Variants in LMOD1 observed in about 807,000 individuals in gnomAD.
The protein encoded by LMOD1 is leiomodin-1.
Under a neutral mutation model 36.5 loss-of-function variants are expected in LMOD1, and 8 were observed. That is an observed-to-expected ratio of 0.22 (90% confidence interval 0.13 to 0.40). The LOEUF is 0.40. LMOD1 is among the 10% of genes least tolerant of loss of function. The pLI is 1.00. For synonymous variants in LMOD1, 284 were observed against 288.7 expected, an observed-to-expected ratio of 0.98 and a Z score of 0.17; for missense variants, 630 against 751.1, an observed-to-expected ratio of 0.84 and a Z score of 1.88.
intron 1 of LMOD1, among the ~76,000 whole-genome samples, chr1:201,935,855 C>A (rs1248749672): frequency 6.6e-6 from 1 of 151,758 alleles, no homozygotes. Flanking sequence ...CCACACCTGG[C>A]CAATCCCAGG....
Position 201,900,455 on chromosome 1 carries a change from C to A in LMOD1, c.558G>T (p.Lys186Asn). Residue 186 changes from lysine (K) to asparagine (N), a missense_variant, in exon 2 of 3, where the codon AAG becomes AAT. Lys to Asn is a moderately conservative substitution (Grantham distance 94). Transcript: ENST00000367288. ...CACTCCCTTTCTTCTCCTCTTCCTT[C>A]TTGGTGGCCACTGCCCTCTCCTCTC... ...GRGEERAVAT[K>N]KEEEKKGSDR... 1 of 1,607,424 alleles carries A rather than the reference C, an allele frequency of 6.2e-7. No individual in the cohort carries two copies. Among genetic ancestry groups the A allele is most frequent in the Non-Finnish European group, 8.5e-7 (1 of 1,176,668 alleles).
chr1:201,901,622 G>GTATATATATATATACACATATATA (rs1558234817), intron 1 of LMOD1, among the ~76,000 whole-genome samples: 1 of 16,402 alleles, frequency 6.1e-5, no homozygotes, highest in African/African-American at 3.5e-4. Context: ...ACATATATAT[G>GTATATATATATATACACATATATA]TGTGTGTGTA....
Position 201,904,024 on chromosome 1 carries a change from C to T in LMOD1, c.262-3273G>A, listed in dbSNP as rs1055465734. 2.1e-4 allele frequency among the ~76,000 whole-genome samples: 32 copies of T among 152,172 alleles called. 1 individual carries two copies. The highest frequency in any genetic ancestry group is 7.5e-4 in the African/African-American group (31 of 41,438). On this transcript the variant is annotated intron_variant, in intron 1 of 2. Coordinates refer to ENST00000367288, the MANE Select transcript of LMOD1 (RefSeq NM_012134.3). ...ATCTCTAACCTTCCCCATCAGGGGC[C>T]AAAGCAGCTCCTCTCGGCCCACCCA... is the stretch of plus-strand genomic sequence containing the variant.
intron 1 of LMOD1, among the ~76,000 whole-genome samples, chr1:201,923,909 G>T (rs527720898): frequency 1.3e-4 from 10 of 75,522 alleles, no homozygotes; most frequent in African/African-American, 4.7e-4. Context: ...GAGAGGGAGG[G>T]AGAGAGAGAG....
At chr1:201,932,421 T>TTATA (rs1336798448) in intron 1 of LMOD1, among the ~76,000 whole-genome samples, 1 of 151,928 alleles carries the variant, frequency 6.6e-6, no homozygotes, top group Non-Finnish European at 1.5e-5. Flanking sequence ...GCTGAAAAGG[T>TTATA]TATACAGCAT....
intron 1 of LMOD1, among the ~76,000 whole-genome samples, chr1:201,942,061 G>C (rs1682125506): frequency 6.6e-6 from 1 of 152,216 alleles, no homozygotes; most frequent in Non-Finnish European, 1.5e-5. Context: ...GGCTGAAGGA[G>C]AGTTCCCGGA....
intron 1 of LMOD1, among the ~76,000 whole-genome samples, chr1:201,938,331 G>T (rs1409888610): frequency 6.6e-6 from 1 of 151,992 alleles, no homozygotes; most frequent in Non-Finnish European, 1.5e-5. Context: ...GTTTCTCTAT[G>T]GTAGTCAGGC....
At position 201,908,462 on chromosome 1, in the gene LMOD1, G is replaced by T. The variant is rs181390196; in HGVS notation, c.262-7711C>A. ...TTAACATCTCTGGAAACATACTTTTGGGAATGTTCAAGGGCTTATACACAA... is the reference window on the plus strand; with the variant it reads ...TTAACATCTCTGGAAACATACTTTTTGGAATGTTCAAGGGCTTATACACAA... On this transcript the variant is annotated intron_variant, in intron 1 of 2. Transcript: ENST00000367288. Among the ~76,000 whole-genome samples, 283 of 152,262 alleles carry T rather than the reference G, an allele frequency of 1.9e-3. 2 individuals carry two copies. Among genetic ancestry groups the T allele is most frequent in the African/African-American group, 6.5e-3 (272 of 41,530 alleles).
In LMOD1 at chr1:201,900,524, G is replaced by C. The variant is rs1301448793; in HGVS notation, c.489C>G (p.Val163=). The C allele has an allele frequency of 1.9e-6, 3 of 1,613,346 alleles. No individual in the cohort carries two copies. The highest frequency in any genetic ancestry group is 2.5e-6 in the Non-Finnish European group (3 of 1,179,812). ...CCTCCTTCTTATCCACTGCAGCCCT[G>C]ACCCGGCCCTTGTCAATGCCCCGGA... is the stretch of plus-strand genomic sequence containing the variant. The part of the protein sequence containing the change: ...KIIRGIDKGR[V]RAAVDKKEAG... Residue 163 remains valine, a synonymous_variant, in exon 2 of 3, where the codon GTC becomes GTG. Coordinates refer to ENST00000367288, the MANE Select transcript of LMOD1 (RefSeq NM_012134.3).
At chr1:201,938,418 C>T (rs899423266) in intron 1 of LMOD1, among the ~76,000 whole-genome samples, 4 of 152,076 alleles carry the variant, frequency 2.6e-5, no homozygotes, top group South Asian at 2.1e-4. Context: ...CATGAGACAC[C>T]GCGCCCGGCC....
chr1:201,928,897 T>C (rs1681872139), intron 1 of LMOD1, among the ~76,000 whole-genome samples: 1 of 151,946 alleles, frequency 6.6e-6, no homozygotes, highest in Admixed American at 6.6e-5. Flanking sequence ...TTTGTGTTTT[T>C]AGTAGAGACG....
At position 201,924,564 on chromosome 1, in the gene LMOD1, G is replaced by A. The variant is rs560987126; in HGVS notation, c.261+21516C>T. Among the ~76,000 whole-genome samples, 6 of 126,272 alleles carry A rather than the reference G, an allele frequency of 4.8e-5. No individual in the cohort carries two copies. The South Asian group carries it at 1.4e-3, about 29-fold the overall frequency. The allele number at this position is 126,272 out of a possible 152,430, so 82.8% of individuals were successfully genotyped here. A position where few individuals can be genotyped will look rare whatever the true frequency, so the allele number is the denominator to read the frequency against. ...AGGAAGGAAGCAAGGAAGGAGGGAG[G>A]GAGGGAAGGAAGGAAGGAAGGAGGG... On this transcript the variant is annotated intron_variant, in intron 1 of 2. Transcript: ENST00000367288.
rs767379302 is a variant in LMOD1 at position 201,900,279 on chromosome 1, T to G, written c.734A>C (p.Asn245Thr). Residue 245 changes from asparagine (N) to threonine (T), a missense_variant, in exon 2 of 3, where the codon AAC (asparagine) becomes ACC (threonine). Physicochemically the swap from Asn to Thr is moderately conservative, Grantham distance 65. Around this residue, in one of 3 missense-constraint regions of LMOD1, gnomAD observed 405 missense variants for 400.6 expected, o/e 1.01. Transcript: ENST00000367288. Reference sequence around the variant, plus strand: ...CTCATCCTCCTTTTTCATGTCTGTGTTCCCACCTGCTCTTTTCATCTTCTC... The same window carrying G: ...CTCATCCTCCTTTTTCATGTCTGTGGTCCCACCTGCTCTTTTCATCTTCTC... ...EGEKMKRAGG[N>T]TDMKKEDEKV... 9 of 1,612,118 alleles carry G rather than the reference T, an allele frequency of 5.6e-6. No homozygotes were observed. The highest frequency in any genetic ancestry group is 5.0e-5 in the Admixed American group (3 of 59,622).
At chr1:201,913,482 C>T (rs1354578048) in intron 1 of LMOD1, among the ~76,000 whole-genome samples, 2 of 152,188 alleles carry the variant, frequency 1.3e-5, no homozygotes, top group African/African-American at 4.8e-5. Flanking sequence ...TGGTCAGCAC[C>T]TGTAATCTCA....
chr1:201,921,357 G>A (rs1014827384), intron 1 of LMOD1, among the ~76,000 whole-genome samples: 14 of 151,462 alleles, frequency 9.2e-5, no homozygotes, highest in Admixed American at 6.6e-4. Flanking sequence ...GCATGGTGGT[G>A]CGAGCCTGCA....
rs185540132 is a variant in LMOD1, at chr1:201,901,406, G to A, written c.262-655C>T. 4.9e-3 allele frequency among the ~76,000 whole-genome samples: 732 copies of A among 149,724 alleles called. 6 individuals carry two copies. The highest frequency in any genetic ancestry group is 0.017 in the African/African-American group (690 of 40,466). On this transcript the variant is annotated intron_variant, in intron 1 of 2. Transcript: ENST00000367288. ...AATCCCAGCTACTCGGGAGGCAGAGGCAGGAGAATCACCTGAACCTGGGAG... is the reference window on the plus strand; with the variant it reads ...AATCCCAGCTACTCGGGAGGCAGAGACAGGAGAATCACCTGAACCTGGGAG...
At chr1:201,936,240 C>CAGAA (rs1415271298) in intron 1 of LMOD1, among the ~76,000 whole-genome samples, 9 of 151,862 alleles carry the variant, frequency 5.9e-5, no homozygotes, top group African/African-American at 2.2e-4. Flanking sequence ...ACCTGAGAGA[C>CAGAA]AGAAACACCC....
At chr1:201,909,805 A>G (rs1160941420) in intron 1 of LMOD1, among the ~76,000 whole-genome samples, 2 of 152,178 alleles carry the variant, frequency 1.3e-5, no homozygotes, top group Non-Finnish European at 2.9e-5. Context: ...TCCCCATGTT[A>G]CAGAAGAAAG....
At chr1:201,910,843 C>A (rs1185948892) in intron 1 of LMOD1, among the ~76,000 whole-genome samples, 1 of 141,472 alleles carries the variant, frequency 7.1e-6, no homozygotes, top group South Asian at 2.3e-4. Context: ...TAACCTCTGC[C>A]TCCTGGGTTC....
Sources: allele counts gnomAD v4.1 joint callset (sites outside exome capture counted in the v4.1 genomes callset), GRCh38; gene constraint gnomAD v4.1.1; regional missense constraint gnomAD v4.1.1; transcripts MANE v1.5; gene names NCBI Gene and HGNC (gene_info 2026-07-23, HGNC 2026-07-21).